INSYN2B: variants seen among roughly 807,000 people sequenced by gnomAD.
INSYN2B encodes protein INSYN2B.
INSYN2B carries 16 observed loss-of-function variants against 41.2 expected under a neutral mutation model. The ratio of observed to expected loss-of-function variants is 0.39; its 90% CI spans 0.26 to 0.59. The LOEUF (loss-of-function observed/expected upper bound fraction) is 0.59. Among genes scored for constraint, INSYN2B ranks in the 20% least tolerant of loss-of-function variants. The probability of loss-of-function intolerance (pLI) is 0.57; values close to 1 mark genes in which losing one functional copy is unlikely to be tolerated. For synonymous variants in INSYN2B, 245 were observed against 244.4 expected, an observed-to-expected ratio of 1.00 and a Z score of -0.02; for missense variants, 608 against 646.4, an observed-to-expected ratio of 0.94 and a Z score of 0.64.
At chr5:169,939,481 AAT>A (rs1268208053) in intron 1 of INSYN2B, among the ~76,000 whole-genome samples, 2 of 152,234 alleles carry the variant, frequency 1.3e-5, no homozygotes, top group African/African-American at 4.8e-5. Flanking sequence ...TGTGATAAAA[AAT>A]ATGATATAGT....
chr5:169,881,415 A>G lies in INSYN2B; in HGVS notation c.1374T>C (p.Asp458=), dbSNP rs1285309836. The G allele has an allele frequency of 1.3e-6, 2 of 1,551,470 alleles. No homozygotes were observed. The highest frequency in any genetic ancestry group is 2.7e-5 in the African/African-American group (2 of 73,124). ...EGRNFYRTGQ[D]LNNCSTCQNT... Reference sequence around the variant, plus strand: ...TCTGGCAGGTACTGCAATTGTTGAGATCTTGGCCAGTTCGATAAAAGTTGC... The same window carrying G: ...TCTGGCAGGTACTGCAATTGTTGAGGTCTTGGCCAGTTCGATAAAAGTTGC... The change falls in exon 3 of 4, where the codon GAT becomes GAC. Residue 458 remains aspartate (D), a synonymous_variant. Transcript: ENST00000377365.
intron 3 of INSYN2B, among the ~76,000 whole-genome samples, chr5:169,870,729 G>A (rs190901469): frequency 5.3e-5 from 8 of 152,218 alleles, no homozygotes; most frequent in Admixed American, 2.0e-4. Flanking sequence ...CATTAGGTCT[G>A]TGTTTTTATT....
chr5:169,917,677 G>A (rs1437097360), intron 1 of INSYN2B, among the ~76,000 whole-genome samples: 1 of 152,210 alleles, frequency 6.6e-6, no homozygotes, highest in Non-Finnish European at 1.5e-5. Flanking sequence ...AAAGAGAAAT[G>A]AAGGGGAGAA....
At chr5:169,968,004 A>G (rs763298766) in intron 1 of INSYN2B, among the ~76,000 whole-genome samples, 6 of 152,184 alleles carry the variant, frequency 3.9e-5, no homozygotes, top group Non-Finnish European at 7.4e-5. Flanking sequence ...TCATGTTGAC[A>G]TGTTAATATG....
At chr5:169,943,470 A>C (rs1776322220) in intron 1 of INSYN2B, among the ~76,000 whole-genome samples, 1 of 152,200 alleles carries the variant, frequency 6.6e-6, no homozygotes, top group Non-Finnish European at 1.5e-5. Context: ...GAGTTTTCAC[A>C]TAAAAAGATT....
At chr5:169,899,043 C>G (rs986445665) in intron 1 of INSYN2B, among the ~76,000 whole-genome samples, 3 of 152,196 alleles carry the variant, frequency 2.0e-5, no homozygotes, top group African/African-American at 7.2e-5. Context: ...CTCTCTGAGA[C>G]TTGGCTTCCT....
At chr5:169,873,376 G>C (rs901167490) in intron 3 of INSYN2B, among the ~76,000 whole-genome samples, 2 of 152,174 alleles carry the variant, frequency 1.3e-5, no homozygotes, top group Non-Finnish European at 1.5e-5. Context: ...GTTTGCTATT[G>C]GTTGTTTTGG....
At position 169,882,508 on chromosome 5, in the gene INSYN2B, T is replaced by G. The variant is rs545561805; in HGVS notation, c.1346+45A>C. On this transcript the variant is annotated intron_variant, in intron 2 of 3. Transcript: ENST00000377365. ...CTGTCTCTGCCCCTGTGTTGGCAAA[T>G]GACTTCACCCAGTCATTTTTAATAT... 4.2e-4 allele frequency: 619 copies of G among 1,478,388 alleles called. 1 individual carries two copies. Among genetic ancestry groups the G allele is most frequent in the Middle Eastern group, 3.5e-4 (2 of 5,662 alleles). The allele number at this position is 1,478,388 out of a possible 1,614,324, so 91.6% of individuals were successfully genotyped here.
rs544802014 is a variant in INSYN2B, at chr5:169,950,773, T to G, written c.-919+29504A>C. ...AGATTCGGGTGTATCAGGACCAGAT[T>G]CTGTCCCCAGCTCTATGTGATGAAC... On this transcript the variant is annotated intron_variant, in intron 1 of 3. Transcript: ENST00000377365. Among the ~76,000 whole-genome samples the G allele has an allele frequency of 6.6e-4, 100 of 152,316 alleles. No individual in the cohort carries two copies. The Middle Eastern group carries it at 0.01, about 16-fold the overall frequency.
At chr5:169,925,568 A>C (rs1775396583) in intron 1 of INSYN2B, among the ~76,000 whole-genome samples, 1 of 140,708 alleles carries the variant, frequency 7.1e-6, no homozygotes, top group South Asian at 2.4e-4. Flanking sequence ...CGACAGAGCA[A>C]GACTCTGTCT....
chr5:169,932,440 A>G (rs537059907), intron 1 of INSYN2B, among the ~76,000 whole-genome samples: 2 of 152,310 alleles, frequency 1.3e-5, no homozygotes, highest in African/African-American at 4.8e-5. Context: ...GGCAGCTGCC[A>G]TGTGGCAAGA....
chr5:169,881,646 C>G (rs1772662153), intron 2 of INSYN2B, among the ~76,000 whole-genome samples: 1 of 152,168 alleles, frequency 6.6e-6, no homozygotes. Context: ...AAAGATTTCT[C>G]AAGCTGAGAG....
At chr5:169,898,735 G>A (rs261062) in intron 1 of INSYN2B, among the ~76,000 whole-genome samples, 30,928 of 152,022 alleles carry the variant, frequency 0.2, 4,573 homozygotes, top group African/African-American at 0.42. Context: ...CAACTCTACC[G>A]TTGTAGCCTG....
chr5:169,878,925 C>T (rs1257511967), intron 3 of INSYN2B, among the ~76,000 whole-genome samples: 1 of 152,138 alleles, frequency 6.6e-6, no homozygotes, highest in Non-Finnish European at 1.5e-5. Context: ...GATAGAATCT[C>T]TAGGCATTGG....
chr5:169,894,882 A>C (rs1033336824), intron 1 of INSYN2B, among the ~76,000 whole-genome samples: 1 of 152,184 alleles, frequency 6.6e-6, no homozygotes, highest in East Asian at 1.9e-4. Flanking sequence ...CAGAAGTAAT[A>C]AAAACGAAAC....
rs373898353 is a variant in INSYN2B at position 169,862,170 on chromosome 5, A to G, written c.*2103T>C. On this transcript the variant is annotated 3_prime_UTR_variant, in exon 4 of 4. Transcript: ENST00000377365. The stretch of plus-strand genomic sequence containing the variant: ...CAGCTCACATAATGTGGAACGTGCT[A>G]AGAGTTTATAAAGTAGGAAAGCATA... 6.6e-6 allele frequency among the ~76,000 whole-genome samples: 1 copy of G among 152,186 alleles called. No homozygotes were observed. Among genetic ancestry groups the G allele is most frequent in the Non-Finnish European group, 1.5e-5 (1 of 68,042 alleles).
Position 169,905,221 on chromosome 5 carries a change from A to G in INSYN2B, c.-918-20405T>C, listed in dbSNP as rs117676637. Among the ~76,000 whole-genome samples the G allele has an allele frequency of 3.8e-4, 58 of 152,050 alleles. 2 individuals carry two copies. In the East Asian group the frequency reaches 0.011, roughly 28 times the overall value. ...GCTAGGCAGAGAGAAATGTGCCACAAAGGGGACCCCTGCTGTCAGCTGCAG... is the reference window on the plus strand; with the variant it reads ...GCTAGGCAGAGAGAAATGTGCCACAGAGGGGACCCCTGCTGTCAGCTGCAG... On this transcript the variant is annotated intron_variant, in intron 1 of 3. Coordinates refer to ENST00000377365, the MANE Select transcript of INSYN2B (RefSeq NM_001129891.3).
At chr5:169,895,164 C>T (rs1018807259) in intron 1 of INSYN2B, among the ~76,000 whole-genome samples, 1 of 152,190 alleles carries the variant, frequency 6.6e-6, no homozygotes, top group South Asian at 2.1e-4. Flanking sequence ...ACCTGATGGG[C>T]TCACGGTGTT....
At chr5:169,923,073 C>G (rs1474049234) in intron 1 of INSYN2B, among the ~76,000 whole-genome samples, 1 of 152,206 alleles carries the variant, frequency 6.6e-6, no homozygotes, top group Non-Finnish European at 1.5e-5. Context: ...CTGGGGGACA[C>G]AGAGCCACCA....
Sources: gnomAD v4.1 joint callset for allele counts (sites outside exome capture counted in the v4.1 genomes callset) on GRCh38, gnomAD v4.1.1 for gene constraint, MANE v1.5 for transcripts, NCBI Gene and HGNC (gene_info 2026-07-23, HGNC 2026-07-21) for gene names.